MED12L: variants seen among roughly 807,000 people sequenced by gnomAD.
MED12L encodes mediator complex subunit 12L.
Under a neutral mutation model 281.3 loss-of-function variants are expected in MED12L, and 60 were observed. The observed-to-expected ratio is 0.21, with a 90% CI of 0.17 to 0.26. MED12L has a LOEUF of 0.26. Among genes scored for constraint, MED12L ranks in the 10% least tolerant of loss-of-function variants. The probability of loss-of-function intolerance (pLI) is 1.00; values close to 1 mark genes in which losing one functional copy is unlikely to be tolerated. For synonymous variants in MED12L, 974 were observed against 987.2 expected, an observed-to-expected ratio of 0.99 and a Z score of 0.25; for missense variants, 2,146 against 2,680.9, an observed-to-expected ratio of 0.80 and a Z score of 4.41.
intron 43 of MED12L, among the ~76,000 whole-genome samples, chr3:151,417,027 CTTA>C (rs749605336): frequency 2.6e-5 from 4 of 152,150 alleles, no homozygotes; most frequent in Non-Finnish European, 4.4e-5. Flanking sequence ...AAACTGTCAT[CTTA>C]TTATATTTGC....
Position 151,389,993 on chromosome 3 carries a change from C to G in MED12L, c.5466C>G (p.Ser1822Arg). ...SSSRVDEYPQ[S>R]NIYRVPPNYS... ...TTATGTTGAAGGAATATCCACAGAG[C>G]AACATATACCGAGTGCCTCCTAATT... The change falls in exon 38 of 45, where the codon AGC becomes AGG. Residue 1822 changes from serine (S) to arginine (R), a missense_variant. Coordinates refer to ENST00000687756, the MANE Select transcript of MED12L (RefSeq NM_001393769.1). The G allele has an allele frequency of 1.2e-6, 2 of 1,614,050 alleles. No individual in the cohort carries two copies. The highest frequency in any genetic ancestry group is 1.7e-6 in the Non-Finnish European group (2 of 1,179,928).
At chr3:151,307,542 TG>T (rs1746852689) in intron 16 of MED12L, among the ~76,000 whole-genome samples, 1 of 6,168 alleles carries the variant, frequency 1.6e-4, no homozygotes, top group Non-Finnish European at 2.5e-4. Flanking sequence ...TCTGTGTGTG[TG>T]TGTGTGTGTG....
rs537277649 is a variant in MED12L, at chr3:151,416,435, G to GT, written c.6408+17dup. The GT allele has an allele frequency of 3.1e-3, 4,990 of 1,611,490 alleles. 14 individuals carry two copies. The highest frequency in any genetic ancestry group is 3.4e-3 in the Non-Finnish European group (4,046 of 1,178,584). On this transcript the variant is annotated intron_variant, in intron 43 of 44. Transcript: ENST00000687756. ...CCAGCAGCCCTTGGTAAGGCCTGTT[G>GT]TTTTGGAATCAGACATGTGGGTTTC...
At chr3:151,121,825 C>T (rs1305057748) in intron 3 of MED12L, among the ~76,000 whole-genome samples, 1 of 152,056 alleles carries the variant, frequency 6.6e-6, no homozygotes, top group East Asian at 1.9e-4. Flanking sequence ...AAGTGATTCT[C>T]ATGCCTCAGC....
At chr3:151,310,600 T>C (rs1484373985) in intron 16 of MED12L, among the ~76,000 whole-genome samples, 3 of 152,192 alleles carry the variant, frequency 2.0e-5, no homozygotes, top group East Asian at 1.9e-4. Flanking sequence ...CCTGTTGGAG[T>C]TGAGATCCAC....
At chr3:151,319,656 G>A (rs1237408780) in intron 16 of MED12L, among the ~76,000 whole-genome samples, 1 of 152,072 alleles carries the variant, frequency 6.6e-6, no homozygotes, top group African/African-American at 2.4e-5. Flanking sequence ...AATTGTTACT[G>A]TTTTTCACAT....
Position 151,390,016 on chromosome 3 carries a change from A to G in MED12L, c.5489A>G (p.Asn1830Ser), listed in dbSNP as rs774934538. ...AGCAACATATACCGAGTGCCTCCTAATTACTCGCCTATCTCCTCCCAAATG... is the reference window on the plus strand; with the variant it reads ...AGCAACATATACCGAGTGCCTCCTAGTTACTCGCCTATCTCCTCCCAAATG... ...PQSNIYRVPP[N>S]YSPISSQMMH... Residue 1830 changes from asparagine to serine, a missense_variant, in exon 38 of 45, where the codon AAT becomes AGT. Transcript: ENST00000687756. 8 of 1,614,142 alleles carry G rather than the reference A, an allele frequency of 5.0e-6. No homozygotes were observed. Among genetic ancestry groups the G allele is most frequent in the Non-Finnish European group, 6.8e-6 (8 of 1,179,984 alleles).
intron 16 of MED12L, among the ~76,000 whole-genome samples, chr3:151,306,011 AC>A (rs773487534): frequency 7.2e-5 from 11 of 152,118 alleles, no homozygotes; most frequent in Non-Finnish European, 1.5e-4. Context: ...CTCACAGCAT[AC>A]GCGTTGACAT....
chr3:151,203,489 G>A (rs1725942998), intron 16 of MED12L, among the ~76,000 whole-genome samples: 1 of 151,386 alleles, frequency 6.6e-6, no homozygotes, highest in African/African-American at 2.4e-5. Flanking sequence ...ATGCCTTGAT[G>A]GGGATTAATA....
At chr3:151,144,274 A>G (rs1717458027) in intron 5 of MED12L, among the ~76,000 whole-genome samples, 1 of 152,228 alleles carries the variant, frequency 6.6e-6, no homozygotes, top group Non-Finnish European at 1.5e-5. Context: ...GGGGGAAAAA[A>G]AAATCCCTAA....
intron 16 of MED12L, among the ~76,000 whole-genome samples, chr3:151,210,042 A>G (rs537957300): frequency 1.3e-3 from 197 of 152,276 alleles, no homozygotes; most frequent in African/African-American, 4.5e-3. Context: ...CATGGTGTCA[A>G]TTTCAACTCA....
intron 8 of MED12L, among the ~76,000 whole-genome samples, chr3:151,162,692 G>A (rs930424540): frequency 1.3e-5 from 2 of 152,122 alleles, no homozygotes; most frequent in Admixed American, 1.3e-4. Flanking sequence ...TTCTGCCTTG[G>A]CTTCCCAGAG....
chr3:151,429,500 G>A (rs751708492), intron 43 of MED12L, among the ~76,000 whole-genome samples: 1 of 152,222 alleles, frequency 6.6e-6, no homozygotes. Context: ...AGGAGAAAAC[G>A]ATAGTCTGAA....
At chr3:151,298,928 A>G (rs973950302) in intron 16 of MED12L, among the ~76,000 whole-genome samples, 5 of 152,204 alleles carry the variant, frequency 3.3e-5, no homozygotes, top group Non-Finnish European at 7.4e-5. Flanking sequence ...ATTTTCATCA[A>G]TGCAGAAAGT....
chr3:151,388,260 C>A, intron 37 of MED12L, 88 bp downstream of exon 37: 2 of 1,469,010 alleles, frequency 1.4e-6, no homozygotes, highest in Non-Finnish European at 9.1e-7. Context: ...CGAAACATTA[C>A]CAAGAGCAGG....
intron 5 of MED12L, among the ~76,000 whole-genome samples, chr3:151,146,174 G>A (rs118098496): frequency 2.6e-5 from 4 of 152,260 alleles, no homozygotes; most frequent in East Asian, 3.9e-4. Context: ...GGAAATAAAC[G>A]TGTGCGTTGA....
intron 16 of MED12L, among the ~76,000 whole-genome samples, chr3:151,229,905 A>G (rs1000965882): frequency 6.6e-6 from 1 of 152,190 alleles, no homozygotes; most frequent in Non-Finnish European, 1.5e-5. Context: ...TTCAAGTTGT[A>G]TTTGAAATCA....
At chr3:151,338,378 A>G (rs146203653) in intron 16 of MED12L, 46 of 1,614,028 alleles carry the variant, frequency 2.9e-5, no homozygotes, top group Non-Finnish European at 3.9e-5. Flanking sequence ...TGTTAGGCAA[A>G]GAGAGTAAGA....
chr3:151,333,641 A>G (rs1251073260), intron 16 of MED12L, among the ~76,000 whole-genome samples: 3 of 152,112 alleles, frequency 2.0e-5, no homozygotes, highest in Non-Finnish European at 4.4e-5. Context: ...ATTTTTGAGC[A>G]TTTTTTCTAG....
Sources: gnomAD v4.1 joint callset for allele counts (sites outside exome capture counted in the v4.1 genomes callset) on GRCh38, gnomAD v4.1.1 for gene constraint, MANE v1.5 for transcripts, NCBI Gene and HGNC (gene_info 2026-07-23, HGNC 2026-07-21) for gene names.